Variants in UBQLN1 observed in about 807,000 individuals in gnomAD.
UBQLN1 encodes the protein ubiquilin-1.
In UBQLN1, 13 loss-of-function variants were observed where a neutral mutation model predicts 65.4. The ratio of observed to expected loss-of-function variants is 0.20; its 90% confidence interval spans 0.13 to 0.32. The LOEUF (loss-of-function observed/expected upper bound fraction) is 0.32, where lower values mean the gene tolerates loss of function less well. Ranked by LOEUF, UBQLN1 falls within the 10% of genes least tolerant of loss-of-function variation. The pLI is 1.00. For missense variants in UBQLN1, 561 were observed against 724.0 expected, an observed-to-expected ratio of 0.77 and a Z score of 2.58; for synonymous variants, 267 against 247.8, an observed-to-expected ratio of 1.08 and a Z score of -0.73.
chr9:83,663,859 G>A lies in UBQLN1; in HGVS notation c.1617+16C>T, dbSNP rs1430316165. 4 of 1,590,306 alleles carry A rather than the reference G, an allele frequency of 2.5e-6. No individual in the cohort carries two copies. Among genetic ancestry groups the A allele is most frequent in the African/African-American group, 2.7e-5 (2 of 73,196 alleles). On this transcript the variant is annotated intron_variant, in intron 10 of 10. Coordinates refer to ENST00000376395, the MANE Select transcript of UBQLN1 (RefSeq NM_013438.5). The stretch of plus-strand genomic sequence containing the variant: ...ACATTAAGGAATACAAAACTTGAAT[G>A]GAAAAGAACTGATACCTGAGGATTT...
intron 3 of UBQLN1, among the ~76,000 whole-genome samples, chr9:83,681,573 T>C (rs1831940810): frequency 6.6e-6 from 1 of 152,008 alleles, no homozygotes; most frequent in Admixed American, 6.6e-5. Context: ...GTGAAGAAGG[T>C]TAGGAGGGGG....
At chr9:83,672,708 A>G (rs1180934509) in intron 6 of UBQLN1, among the ~76,000 whole-genome samples, 1 of 152,262 alleles carries the variant, frequency 6.6e-6, no homozygotes, top group Non-Finnish European at 1.5e-5. Flanking sequence ...GAGAATTATC[A>G]AAATGTGACA....
At position 83,668,311 on chromosome 9, in the gene UBQLN1, A is replaced by C. The variant is rs1021025299; in HGVS notation, c.1248+874T>G. On this transcript the variant is annotated intron_variant, in intron 7 of 10. Coordinates refer to ENST00000376395, the MANE Select transcript of UBQLN1 (RefSeq NM_013438.5). Reference sequence around the variant, plus strand: ...AAAATAAAAACCATTCATTTGACTTAAAGCTTTTAAAATTTAAGGGATGAG... The same window carrying C: ...AAAATAAAAACCATTCATTTGACTTCAAGCTTTTAAAATTTAAGGGATGAG... 18 of 984,994 alleles carry C rather than the reference A, an allele frequency of 1.8e-5. 1 individual carries two copies. The Admixed American group carries it at 1.1e-3, about 60-fold the overall frequency. The allele number at this position is 984,994 out of a possible 1,614,324, so 61.0% of individuals were successfully genotyped here.
chr9:83,687,858 T>A (rs577098172), intron 1 of UBQLN1, among the ~76,000 whole-genome samples: 2 of 152,304 alleles, frequency 1.3e-5, no homozygotes, highest in South Asian at 4.1e-4. Flanking sequence ...CAAAAAAGCA[T>A]AAAGATAACA....
At chr9:83,666,603 A>G (rs1420612955) in intron 7 of UBQLN1, 170 bp from the exon 8 acceptor site, 3 of 544,340 alleles carry the variant, frequency 5.5e-6, no homozygotes, top group African/African-American at 3.7e-5. Flanking sequence ...AGGGATCTCC[A>G]GAAGAACAAA....
Position 83,660,706 on chromosome 9 carries a change from C to T in UBQLN1, c.*1081G>A, listed in dbSNP as rs936334802. On this transcript the variant is annotated 3_prime_UTR_variant, in exon 11 of 11. Coordinates refer to ENST00000376395, the MANE Select transcript of UBQLN1 (RefSeq NM_013438.5). ...CCCCTTTCTCTGAGGCTCTGAAAAG[C>T]ACAATATTTAACTATTTCTTAATAG... 6 of 124,634 alleles carry T rather than the reference C, an allele frequency of 4.8e-5. No homozygotes were observed. Among genetic ancestry groups the T allele is most frequent in the Non-Finnish European group, 9.4e-5 (6 of 63,746 alleles). The allele number at this position is 124,634 out of a possible 1,614,324, so 7.7% of individuals were successfully genotyped here.
At chr9:83,678,273 G>A (rs7851817) in intron 5 of UBQLN1, among the ~76,000 whole-genome samples, 168 bp downstream of exon 5, 6,006 of 152,022 alleles carry the variant, frequency 0.04, 402 homozygotes, top group African/African-American at 0.14. Flanking sequence ...CACCCGCCTC[G>A]GCCTCCCAAA....
chr9:83,671,737 T>C (rs374988467), intron 6 of UBQLN1, among the ~76,000 whole-genome samples: 9 of 152,274 alleles, frequency 5.9e-5, no homozygotes, highest in Admixed American at 4.6e-4. Context: ...TTTAAGGCCC[T>C]AGGATTACTG....
chr9:83,679,956 C>A lies in UBQLN1; in HGVS notation c.530G>T (p.Arg177Leu). 6.2e-7 allele frequency: 1 copy of A among 1,614,086 alleles called. No individual in the cohort carries two copies. The highest frequency in any genetic ancestry group is 1.1e-5 in the South Asian group (1 of 91,076). The stretch of plus-strand genomic sequence containing the variant: ...CATTTCAGGGTTAGACAAAAGTTGT[C>A]GCTGCATCTGACTCTGTAGTTCAGA... ...NFSELQSQMQ[R>L]QLLSNPEMMV... Residue 177 changes from arginine to leucine, a missense_variant, in exon 4 of 11, where the codon CGA (arginine) becomes CTA (leucine). This residue lies in a region of UBQLN1 where 87 missense variants were observed against 88.8 expected (regional missense o/e 0.98). Coordinates refer to ENST00000376395, the MANE Select transcript of UBQLN1 (RefSeq NM_013438.5).
intron 3 of UBQLN1, among the ~76,000 whole-genome samples, chr9:83,680,375 A>T (rs577412577): frequency 4.6e-5 from 7 of 152,240 alleles, no homozygotes; most frequent in African/African-American, 1.7e-4. Flanking sequence ...ATTCATTACA[A>T]GCCCTTTTGA....
In UBQLN1 at chr9:83,665,164, T is replaced by G. The variant is rs1248005086; in HGVS notation, c.1333-19A>C. 6.5e-7 allele frequency: 1 copy of G among 1,542,650 alleles called. No homozygotes were observed. The highest frequency in any genetic ancestry group is 2.3e-5 in the East Asian group (1 of 44,348). On this transcript the variant is annotated intron_variant, in intron 8 of 10. Coordinates refer to ENST00000376395, the MANE Select transcript of UBQLN1 (RefSeq NM_013438.5). The stretch of plus-strand genomic sequence containing the variant: ...TCTGCATCTAAGGAAGAAAGAAAAC[T>G]AGTGGTTACAAAGGAATTAAAATCA...
At chr9:83,673,121 T>C (rs1332233457) in intron 6 of UBQLN1, among the ~76,000 whole-genome samples, 1 of 151,798 alleles carries the variant, frequency 6.6e-6, no homozygotes, top group Non-Finnish European at 1.5e-5. Flanking sequence ...TCCCAGCTAC[T>C]GGGGAGGCTG....
intron 1 of UBQLN1, among the ~76,000 whole-genome samples, chr9:83,695,446 C>A (rs1203173049): frequency 6.6e-6 from 1 of 152,230 alleles, no homozygotes; most frequent in Non-Finnish European, 1.5e-5. Context: ...GATCTGCCCA[C>A]CTCAGCCTCC....
chr9:83,685,685 A>G (rs1337418153), intron 2 of UBQLN1, among the ~76,000 whole-genome samples: 2 of 152,016 alleles, frequency 1.3e-5, no homozygotes, highest in East Asian at 1.9e-4. Context: ...TGCTAAGGAG[A>G]TAAGTTACTC....
chr9:83,670,633 T>C (rs1234361408), intron 6 of UBQLN1, among the ~76,000 whole-genome samples: 2 of 152,062 alleles, frequency 1.3e-5, no homozygotes, highest in Non-Finnish European at 2.9e-5. Context: ...AAGGTTGGGG[T>C]GGCTGTGGCA....
intron 4 of UBQLN1, 83 bp downstream of exon 4, chr9:83,679,692 A>G: frequency 6.9e-7 from 1 of 1,443,464 alleles, no homozygotes; most frequent in Non-Finnish European, 9.5e-7. Context: ...CCATACATAC[A>G]GGACAATCTC....
At chr9:83,662,269 CATAT>C (rs1158613204) in intron 10 of UBQLN1, among the ~76,000 whole-genome samples, 191 of 114,550 alleles carry the variant, frequency 1.7e-3, no homozygotes, top group African/African-American at 6.9e-3. Context: ...TATACATATA[CATAT>C]ACACACACAC....
rs187405719 is a variant in UBQLN1, at chr9:83,662,710, T to A, written c.1618-771A>T. On this transcript the variant is annotated intron_variant, in intron 10 of 10. Coordinates refer to ENST00000376395, the MANE Select transcript of UBQLN1 (RefSeq NM_013438.5). ...AGTACCTACCAAGAGCCAGAAACTA[T>A]GCTACGCTAGCTTATCAGGAATACA... Among the ~76,000 whole-genome samples the A allele has an allele frequency of 6.4e-4, 98 of 152,350 alleles. 1 individual carries two copies. The highest frequency in any genetic ancestry group is 2.3e-3 in the African/African-American group (94 of 41,592).
Position 83,678,837 on chromosome 9 carries a change from C to T in UBQLN1, c.712-238G>A, listed in dbSNP as rs141642061. 2.4e-3 allele frequency among the ~76,000 whole-genome samples: 368 copies of T among 152,248 alleles called. 6 individuals are homozygous for T. Among genetic ancestry groups the T allele is most frequent in the African/African-American group, 8.5e-3 (353 of 41,540 alleles). ...GTTCACACCCATTCTCCTGCCTCAG[C>T]CTCCCGAGTAGCTGGGACTACAGGC... On this transcript the variant is annotated intron_variant, in intron 4 of 10. Coordinates refer to ENST00000376395, the MANE Select transcript of UBQLN1 (RefSeq NM_013438.5).
Sources: allele counts gnomAD v4.1 joint callset (sites outside exome capture counted in the v4.1 genomes callset), GRCh38; gene constraint gnomAD v4.1.1; regional missense constraint gnomAD v4.1.1; transcripts MANE v1.5; gene names NCBI Gene and HGNC (gene_info 2026-07-23, HGNC 2026-07-21).